LINGO2: variants seen among roughly 807,000 people sequenced by gnomAD.
LINGO2 encodes the protein leucine rich repeat and Ig domain containing 2, also known as leucine-rich repeat and immunoglobulin-like domain-containing nogo receptor-interacting protein 2.
Under a neutral mutation model 30.6 loss-of-function variants are expected in LINGO2, and 14 were observed. The observed-to-expected ratio is 0.46, with a 90% CI of 0.30 to 0.72. The LOEUF is 0.72. Ranked by LOEUF, LINGO2 falls within the 30% of genes least tolerant of loss-of-function variation. The pLI is 0.07. For missense variants in LINGO2, 729 were observed against 751.7 expected (o/e 0.97, Z 0.35); for synonymous variants, 317 against 288.5 (o/e 1.10, Z -1.00).
chr9:28,848,702 A>T, the LINGO2 span, among the ~76,000 whole-genome samples: 2 of 151,666 alleles, frequency 1.3e-5, no homozygotes, highest in South Asian at 4.2e-4. Context: ...TGAGAGTGAA[A>T]GGCCAAAGAG....
chr9:28,433,966 T>TATATACACAC (rs752778212), intron 2 of LINGO2, among the ~76,000 whole-genome samples: 1 of 99,994 alleles, frequency 1.0e-5, no homozygotes, highest in Admixed American at 1.2e-4. Flanking sequence ...TATATATATA[T>TATATACACAC]ACACACACAC....
At chr9:27,969,246 G>A (rs752856440) in intron 5 of LINGO2, among the ~76,000 whole-genome samples, 4 of 151,916 alleles carry the variant, frequency 2.6e-5, no homozygotes, top group Non-Finnish European at 5.9e-5. Flanking sequence ...CTTTAACTTA[G>A]CCACTTCAGG....
chr9:27,979,728 T>C (rs935496042), intron 5 of LINGO2, among the ~76,000 whole-genome samples: 6 of 152,048 alleles, frequency 3.9e-5, no homozygotes, highest in African/African-American at 1.4e-4. Context: ...AGCATTCCAC[T>C]GGGATCCTTT....
chr9:28,851,885 T>C, the LINGO2 span, among the ~76,000 whole-genome samples: 1 of 151,886 alleles, frequency 6.6e-6, no homozygotes, highest in Admixed American at 6.6e-5. Flanking sequence ...CAAATGTATG[T>C]GTATATATAT....
At chr9:28,899,781 A>G in the LINGO2 span, among the ~76,000 whole-genome samples, 1 of 152,116 alleles carries the variant, frequency 6.6e-6, no homozygotes, top group Non-Finnish European at 1.5e-5. Flanking sequence ...TGCCATATCC[A>G]CTGACATGGA....
the LINGO2 span, among the ~76,000 whole-genome samples, chr9:28,675,894 T>A: frequency 8.3e-3 from 1,091 of 131,160 alleles, 11 homozygotes; most frequent in African/African-American, 0.027. Flanking sequence ...AAAAAATGTG[T>A]GTGTGTGTAT....
intron 1 of LINGO2, among the ~76,000 whole-genome samples, chr9:28,647,606 T>TA (rs2135958183): frequency 6.6e-6 from 1 of 152,246 alleles, no homozygotes; most frequent in African/African-American, 2.4e-5. Context: ...TGGAATGTTA[T>TA]ACCAGCATTA....
chr9:28,709,084 G>C, the LINGO2 span, among the ~76,000 whole-genome samples: 1 of 151,986 alleles, frequency 6.6e-6, no homozygotes, highest in Non-Finnish European at 1.5e-5. Flanking sequence ...TGGATGTTCT[G>C]CAGAAACCTG....
intron 3 of LINGO2, among the ~76,000 whole-genome samples, chr9:28,363,176 T>C (rs1820521919): frequency 6.6e-6 from 1 of 152,212 alleles, no homozygotes. Context: ...TTCCAAAATG[T>C]ACACAGTAAG....
chr9:28,733,658 A>C, the LINGO2 span, among the ~76,000 whole-genome samples: 1 of 152,022 alleles, frequency 6.6e-6, no homozygotes, highest in South Asian at 2.1e-4. Context: ...TAACCAGTCC[A>C]CCTTTTTCTC....
At chr9:28,229,439 C>A (rs1206883329) in intron 4 of LINGO2, among the ~76,000 whole-genome samples, 1 of 151,274 alleles carries the variant, frequency 6.6e-6, no homozygotes, top group Non-Finnish European at 1.5e-5. Context: ...ATAGTAGGAA[C>A]AAGTATCAGA....
At chr9:29,047,868 A>G in the LINGO2 span, among the ~76,000 whole-genome samples, 1 of 152,096 alleles carries the variant, frequency 6.6e-6, no homozygotes, top group African/African-American at 2.4e-5. Flanking sequence ...TGGGAGGCTG[A>G]GGCAGATGGA....
the LINGO2 span, among the ~76,000 whole-genome samples, chr9:28,745,574 A>T: frequency 6.6e-6 from 1 of 152,018 alleles, no homozygotes; most frequent in East Asian, 1.9e-4. Context: ...TTATTTTCAT[A>T]TTGTTTTGCT....
At chr9:28,458,362 C>A (rs1302183580) in intron 2 of LINGO2, among the ~76,000 whole-genome samples, 5 of 152,170 alleles carry the variant, frequency 3.3e-5, no homozygotes, top group African/African-American at 7.2e-5. Flanking sequence ...AGCTCAAAAT[C>A]TACTTGCTCA....
intron 1 of LINGO2, among the ~76,000 whole-genome samples, chr9:28,568,479 G>T (rs539693273): frequency 1.1e-4 from 17 of 152,022 alleles, no homozygotes; most frequent in Admixed American, 9.8e-4. Flanking sequence ...GAACCTAAAA[G>T]AAAGAAACAT....
chr9:28,622,527 CATT>C (rs1826450755), intron 1 of LINGO2, among the ~76,000 whole-genome samples: 1 of 151,922 alleles, frequency 6.6e-6, no homozygotes, highest in South Asian at 2.1e-4. Context: ...GACTGGATCT[CATT>C]ATTTATTTGT....
At chr9:29,167,711 T>C in the LINGO2 span, among the ~76,000 whole-genome samples, 1 of 152,162 alleles carries the variant, frequency 6.6e-6, no homozygotes, top group South Asian at 2.1e-4. Context: ...CTAAGTGAAA[T>C]GATGCACAAG....
At chr9:28,240,952 A>T (rs1821761290) in intron 4 of LINGO2, among the ~76,000 whole-genome samples, 1 of 152,168 alleles carries the variant, frequency 6.6e-6, no homozygotes, top group African/African-American at 2.4e-5. Flanking sequence ...TAACCAGAAT[A>T]TATAAGGAGC....
the LINGO2 span, among the ~76,000 whole-genome samples, chr9:29,116,712 T>C: frequency 2.6e-5 from 4 of 151,182 alleles, no homozygotes; most frequent in Non-Finnish European, 5.9e-5. Context: ...TCAATGACAG[T>C]CTTGACAAAG....
Sources: allele counts gnomAD v4.1 joint callset (sites outside exome capture counted in the v4.1 genomes callset), GRCh38; gene constraint gnomAD v4.1.1; transcripts MANE v1.5; gene names NCBI Gene and HGNC (gene_info 2026-07-23, HGNC 2026-07-21).